Variants in SLC19A1 observed in about 807,000 individuals in gnomAD.
SLC19A1 encodes the protein reduced folate transporter.
A neutral mutation model predicts 35.3 loss-of-function variants in SLC19A1; 37 were observed. That is an observed-to-expected ratio of 1.05 (90% confidence interval 0.81 to 1.38). SLC19A1 has a LOEUF of 1.38. Among genes scored for constraint, SLC19A1 ranks in the 40% most tolerant of loss-of-function variants. The pLI, the probability that SLC19A1 is intolerant of heterozygous loss-of-function variation, is 0.00. For missense variants in SLC19A1, 831 were observed against 826.9 expected (o/e 1.00, Z -0.06); for synonymous variants, 460 against 398.5 (o/e 1.15, Z -1.84).
chr21:45,519,346 C>T (rs1010638031), intron 5 of SLC19A1, among the ~76,000 whole-genome samples: 2 of 151,908 alleles, frequency 1.3e-5, no homozygotes, highest in Non-Finnish European at 2.9e-5. Context: ...TACAAATTAT[C>T]ACATTAAATA....
In SLC19A1 at chr21:45,531,717, C is replaced by T; in HGVS notation, c.621G>A (p.Lys207=). 6.2e-7 allele frequency: 1 copy of T among 1,612,846 alleles called. No homozygotes were observed. The highest frequency in any genetic ancestry group is 8.5e-7 in the Non-Finnish European group (1 of 1,179,706). The change falls in exon 3 of 6, where the codon AAG becomes AAA. Residue 207 remains lysine, a synonymous_variant. Coordinates refer to ENST00000311124, the MANE Select transcript of SLC19A1 (RefSeq NM_194255.4). ...VVLALFLKRP[K]RSLFFNRDDR... is the part of the protein sequence containing the mutation. Reference sequence around the variant, plus strand: ...CGTCGCGGTTGAAGAAGAGGCTGCGCTTGGGGCGCTTCAGGAAGAGGGCGA... The same window carrying T: ...CGTCGCGGTTGAAGAAGAGGCTGCGTTTGGGGCGCTTCAGGAAGAGGGCGA...
chr21:45,510,249 C>T (rs2838952), downstream of SLC19A1: 51,179 of 1,604,708 alleles, frequency 0.032, 1,174 homozygotes, highest in Admixed American at 0.12. Context: ...CCGTGCCCAT[C>T]GTCAACCTCA....
rs755707220 is a variant in SLC19A1, at chr21:45,531,521, A to G, written c.817T>C (p.Trp273Arg). 2.5e-6 allele frequency: 4 copies of G among 1,612,676 alleles called. No individual in the cohort carries two copies. Among genetic ancestry groups the G allele is most frequent in the Non-Finnish European group, 3.4e-6 (4 of 1,179,772 alleles). ...TAGCCGGCCGAGTTGAAGACCCACC[A>G]GAGGGACCACAGGCGCAGCTGCGGC... ...RRPQLRLWSL[W>R]WVFNSAGYYL... The change falls in exon 3 of 6, where the codon TGG becomes CGG. Residue 273 changes from tryptophan to arginine, a missense_variant. Trp to Arg is a moderately radical substitution (Grantham distance 101). Transcript: ENST00000311124.
At chr21:45,559,708 C>T (rs2078596907) in intron 1 of SLC19A1, among the ~76,000 whole-genome samples, 1 of 152,220 alleles carries the variant, frequency 6.6e-6, no homozygotes, top group Admixed American at 6.5e-5. Context: ...TCCACATCAG[C>T]ACACGCAGAG....
In SLC19A1 at chr21:45,534,835, T is replaced by C. The variant is rs1456624339; in HGVS notation, c.190-2687A>G. 7.1e-6 allele frequency: 4 copies of C among 565,696 alleles called. No individual in the cohort carries two copies. Among genetic ancestry groups the C allele is most frequent in the Non-Finnish European group, 1.3e-5 (4 of 316,398 alleles). 35.0% of individuals were successfully genotyped at this position (565,696 alleles called of 1,614,324 possible). A position where few individuals can be genotyped will look rare whatever the true frequency, so the allele number is the denominator to read the frequency against. On this transcript the variant is annotated intron_variant, in intron 2 of 5. Coordinates refer to ENST00000311124, the MANE Select transcript of SLC19A1 (RefSeq NM_194255.4). This position sits in a 1 kb window ranked among gnomAD's most constrained non-coding sequence, Gnocchi z 4.2. ...CAACGGTCCCAGCAGGGAGGTGGCA[T>C]CTGTCAGGCGGCCACGACTCTGACA...
intron 4 of SLC19A1, among the ~76,000 whole-genome samples, chr21:45,528,128 A>G (rs1307410437): frequency 6.6e-6 from 1 of 151,646 alleles, no homozygotes; most frequent in Non-Finnish European, 1.5e-5. Context: ...AGCAGGGAGG[A>G]CGAGAGAAGC....
intron 5 of SLC19A1, among the ~76,000 whole-genome samples, chr21:45,522,651 C>T (rs900567250): frequency 2.0e-4 from 30 of 152,168 alleles, no homozygotes; most frequent in African/African-American, 7.2e-4. Flanking sequence ...CACTCAGCAG[C>T]AAGAAGGAAT....
Position 45,514,907 on chromosome 21 carries a change from C to G in SLC19A1, c.*751G>C. Reference sequence around the variant, plus strand: ...AGCCTGGCACATACCAAGGCCAGCACGTCCGCGGTGACCGGGACCAGTCCC... The same window carrying G: ...AGCCTGGCACATACCAAGGCCAGCAGGTCCGCGGTGACCGGGACCAGTCCC... On this transcript the variant is annotated 3_prime_UTR_variant, in exon 6 of 6. Transcript: ENST00000311124. 1.6e-6 allele frequency: 2 copies of G among 1,246,596 alleles called. No individual in the cohort carries two copies. The highest frequency in any genetic ancestry group is 2.2e-6 in the Non-Finnish European group (2 of 928,862). The allele number at this position is 1,246,596 out of a possible 1,614,324, so 77.2% of individuals were successfully genotyped here.
intron 5 of SLC19A1, among the ~76,000 whole-genome samples, chr21:45,525,483 G>A (rs1048465481): frequency 4.6e-5 from 7 of 152,246 alleles, no homozygotes; most frequent in African/African-American, 7.2e-5. Context: ...CAAAGGTCAC[G>A]TGGCCTCCAG....
At position 45,529,620 on chromosome 21, in the gene SLC19A1, C is replaced by CGT. The variant is rs10644910; in HGVS notation, c.1151+1148_1151+1149dup. ...GTGTGAGCGTGTGTCCATGTGTGAA[C>CGT]GTGTCCATGTGTAAACGTGTGGTGT... On this transcript the variant is annotated intron_variant, in intron 4 of 5. Transcript: ENST00000311124. 4.2e-3 allele frequency among the ~76,000 whole-genome samples: 637 copies of CGT among 151,628 alleles called. 2 individuals carry two copies. Among genetic ancestry groups the CGT allele is most frequent in the Non-Finnish European group, 6.2e-3 (423 of 67,808 alleles).
rs1462383717 is a variant in SLC19A1 at position 45,514,921 on chromosome 21, G to A, written c.*737C>T. 93 of 1,345,424 alleles carry A rather than the reference G, an allele frequency of 6.9e-5. No homozygotes were observed. Among genetic ancestry groups the A allele is most frequent in the East Asian group, 8.6e-5 (3 of 34,956 alleles). 83.3% of individuals were successfully genotyped at this position (1,345,424 alleles called of 1,614,324 possible). On this transcript the variant is annotated 3_prime_UTR_variant, in exon 6 of 6. Coordinates refer to ENST00000311124, the MANE Select transcript of SLC19A1 (RefSeq NM_194255.4). ...CAAGGCCAGCACGTCCGCGGTGACCGGGACCAGTCCCCTCCGGGCTGGCAC... is the reference window on the plus strand; with the variant it reads ...CAAGGCCAGCACGTCCGCGGTGACCAGGACCAGTCCCCTCCGGGCTGGCAC...
chr21:45,537,464 C>T (rs1320035449), intron 2 of SLC19A1, among the ~76,000 whole-genome samples: 4 of 151,192 alleles, frequency 2.6e-5, no homozygotes, highest in Non-Finnish European at 5.9e-5. Context: ...GAAGCTGCTC[C>T]CCGCCCACCC....
chr21:45,548,298 C>G (rs186716813), upstream of SLC19A1, among the ~76,000 whole-genome samples: 1 of 152,242 alleles, frequency 6.6e-6, no homozygotes, highest in African/African-American at 2.4e-5. Context: ...CCCTGTCAAA[C>G]TTGTAGATCT....
intron 5 of SLC19A1, among the ~76,000 whole-genome samples, chr21:45,521,845 T>G (rs1306240078): frequency 6.6e-6 from 1 of 152,140 alleles, no homozygotes; most frequent in South Asian, 2.1e-4. Context: ...AAACTTCACA[T>G]CTTATACAAA....
intron 2 of SLC19A1, chr21:45,536,345 C>A (rs2078111831): frequency 2.0e-5 from 3 of 152,734 alleles, no homozygotes; most frequent in African/African-American, 4.8e-5. Context: ...CTATAAATAA[C>A]CTTGGCGGTG....
chr21:45,529,735 C>T (rs4819128), intron 4 of SLC19A1, among the ~76,000 whole-genome samples: 77,462 of 149,526 alleles, frequency 0.52, 20,621 homozygotes, highest in South Asian at 0.61. Flanking sequence ...GTAGCATGTC[C>T]ATGTGTGCTG....
intron 5 of SLC19A1, among the ~76,000 whole-genome samples, chr21:45,519,974 TAAC>T (rs1338199742): frequency 6.6e-6 from 1 of 152,160 alleles, no homozygotes; most frequent in Non-Finnish European, 1.5e-5. Flanking sequence ...AGACAAATCT[TAAC>T]AAATTTATAA....
chr21:45,556,496 T>TA (rs1173969727), intron 1 of SLC19A1, among the ~76,000 whole-genome samples: 1 of 152,268 alleles, frequency 6.6e-6, no homozygotes, highest in Non-Finnish European at 1.5e-5. Flanking sequence ...TGTGAAATCC[T>TA]GCCTTTCTTA....
Position 45,513,460 on chromosome 21 carries a change from CGCCCTGCGGGTGAACAAAGCA to C in SLC19A1, c.*2177_*2197del. ...GGGGAACCCCGGGGTGCCCACAGGC[CGCCCTGCGGGTGAACAAAGCA>C]GCCACGAGGTGCAACAAGGTCCTCT... On this transcript the variant is annotated 3_prime_UTR_variant, in exon 6 of 6. Coordinates refer to ENST00000311124, the MANE Select transcript of SLC19A1 (RefSeq NM_194255.4). 6.6e-6 allele frequency: 1 copy of C among 152,360 alleles called. No individual in the cohort carries two copies. Among genetic ancestry groups the C allele is most frequent in the South Asian group, 2.1e-4 (1 of 4,830 alleles). The allele number at this position is 152,360 out of a possible 1,614,324, so 9.4% of individuals were successfully genotyped here. A position where few individuals can be genotyped will look rare whatever the true frequency, so the allele number is the denominator to read the frequency against.
Sources: allele counts gnomAD v4.1 joint callset (sites outside exome capture counted in the v4.1 genomes callset), GRCh38; gene constraint gnomAD v4.1.1; non-coding constraint Gnocchi (gnomAD v3.1); transcripts MANE v1.5; gene names NCBI Gene and HGNC (gene_info 2026-07-23, HGNC 2026-07-21).